PCDHA6: variants seen among roughly 807,000 people sequenced by gnomAD.
PCDHA6 encodes protocadherin alpha-6.
PCDHA6 carries 55 observed loss-of-function variants against 60.3 expected under a neutral mutation model. That is an observed-to-expected ratio of 0.91 (90% CI 0.73 to 1.14). The LOEUF (loss-of-function observed/expected upper bound fraction) is 1.14, where lower values mean the gene tolerates loss of function less well. Ranked by LOEUF, PCDHA6 falls within the 50% of genes most tolerant of loss-of-function variation. The probability of loss-of-function intolerance (pLI) is 0.00; values close to 1 mark genes in which losing one functional copy is unlikely to be tolerated. For synonymous variants in PCDHA6, 652 were observed against 557.9 expected (o/e 1.17, Z -2.38); for missense variants, 1,327 against 1,256.5 (o/e 1.06, Z -0.85).
At chr5:140,855,488 C>T (rs569322371) in intron 1 of PCDHA6, among the ~76,000 whole-genome samples, 1 of 149,546 alleles carries the variant, frequency 6.7e-6, no homozygotes. Flanking sequence ...ACATTAGTGT[C>T]TAAATAAACC....
chr5:140,851,530 A>G (rs2042087003), intron 1 of PCDHA6: 6 of 902,946 alleles, frequency 6.6e-6, no homozygotes, highest in Non-Finnish European at 8.1e-6. Context: ...ATGCCTGACA[A>G]TGTAGATAAT....
intron 3 of PCDHA6, among the ~76,000 whole-genome samples, chr5:140,983,980 G>A (rs1169839423): frequency 6.6e-6 from 1 of 152,286 alleles, no homozygotes; most frequent in African/African-American, 2.4e-5. Flanking sequence ...AAATATACGA[G>A]TTGAAGCAAT....
intron 3 of PCDHA6, among the ~76,000 whole-genome samples, chr5:140,983,123 G>A (rs781811003): frequency 2.0e-5 from 3 of 152,198 alleles, no homozygotes; most frequent in Non-Finnish European, 4.4e-5. Flanking sequence ...ACAACATTCT[G>A]CAGACTGACT....
intron 1 of PCDHA6, chr5:140,967,963 A>C (rs1554230144): frequency 6.2e-7 from 1 of 1,614,210 alleles, no homozygotes; most frequent in South Asian, 1.1e-5. Context: ...CCAACCGGAA[A>C]GTGAGCCTGG....
At chr5:140,949,474 G>T (rs2094384891) in intron 1 of PCDHA6, among the ~76,000 whole-genome samples, 1 of 151,524 alleles carries the variant, frequency 6.6e-6, no homozygotes, top group Admixed American at 6.6e-5. Flanking sequence ...CTGTTATTAG[G>T]CACACACATT....
intron 1 of PCDHA6, chr5:140,835,368 C>A: frequency 1.2e-6 from 2 of 1,613,924 alleles, no homozygotes; most frequent in African/African-American, 1.3e-5. Flanking sequence ...AGGCTTCCCA[C>A]CCCTGGCTGG....
At chr5:140,928,208 A>AT (rs1436614514) in intron 1 of PCDHA6, 2 of 1,614,110 alleles carry the variant, frequency 1.2e-6, no homozygotes, top group Non-Finnish European at 1.7e-6. Flanking sequence ...GCTGATGTGA[A>AT]TGACAATACA....
intron 1 of PCDHA6, chr5:140,862,565 A>G: frequency 2.1e-6 from 1 of 478,016 alleles, no homozygotes; most frequent in Non-Finnish European, 4.3e-6. Context: ...GTGAACCACA[A>G]TGCCCTGGCG....
Position 140,974,189 on chromosome 5 carries a change from G to T in PCDHA6, c.2395-4760G>T, listed in dbSNP as rs146863475. On this transcript the variant is annotated intron_variant, in intron 1 of 3. Transcript: ENST00000529310. ...AGAATTTTAACTTGACAAATGCAAA[G>T]GAATATCCAACATTGCAAAGGTAAA... Among the ~76,000 whole-genome samples the T allele has an allele frequency of 7.6e-3, 1,163 of 152,258 alleles. 4 individuals carry two copies. The highest frequency in any genetic ancestry group is 0.014 in the Middle Eastern group (4 of 294).
rs114742019 is a variant in PCDHA6, at chr5:140,911,730, G to A, written c.2395-67219G>A. Among the ~76,000 whole-genome samples the A allele has an allele frequency of 8.1e-3, 1,236 of 152,190 alleles. 6 individuals carry two copies. The highest frequency in any genetic ancestry group is 0.019 in the African/African-American group (801 of 41,524). ...TTTTGTGTAACTCTGTAAACAGTTC[G>A]TGCCAAGGACTATCAGTGTTCTCCA... is the stretch of plus-strand genomic sequence containing the variant. On this transcript the variant is annotated intron_variant, in intron 1 of 3. Coordinates refer to ENST00000529310, the MANE Select transcript of PCDHA6 (RefSeq NM_018909.4).
intron 1 of PCDHA6, chr5:140,876,720 G>C (rs781797133): frequency 2.5e-6 from 4 of 1,614,264 alleles, no homozygotes; most frequent in Non-Finnish European, 3.4e-6. Flanking sequence ...TGGACCGCGA[G>C]AGCGTGTCGG....
At chr5:140,873,843 T>C (rs2054523917) in intron 1 of PCDHA6, among the ~76,000 whole-genome samples, 1 of 152,144 alleles carries the variant, frequency 6.6e-6, no homozygotes, top group Non-Finnish European at 1.5e-5. Context: ...GTATTTTTAG[T>C]AGAGATGGGT....
chr5:140,888,572 A>G (rs1354616132), intron 1 of PCDHA6, among the ~76,000 whole-genome samples: 1 of 152,196 alleles, frequency 6.6e-6, no homozygotes, highest in Admixed American at 6.5e-5. Context: ...GCTTCATTTT[A>G]AGATTTGTTA....
In PCDHA6 at chr5:140,851,743, G is replaced by A. The variant is rs1045115703; in HGVS notation, c.2394+21258G>A. ...ACTTCGAGTTCTTTTGAAATTCAGA[G>A]TCTGTAACTTAAAACATTACCCTTA... On this transcript the variant is annotated intron_variant, in intron 1 of 3. Transcript: ENST00000529310. 3 of 972,104 alleles carry A rather than the reference G, an allele frequency of 3.1e-6. 1 individual carries two copies. The highest frequency in any genetic ancestry group is 3.7e-6 in the Non-Finnish European group (3 of 804,720). 60.2% of individuals were successfully genotyped at this position (972,104 alleles called of 1,614,324 possible).
intron 1 of PCDHA6, chr5:140,870,409 G>A (rs2051982376): frequency 1.9e-6 from 3 of 1,614,226 alleles, no homozygotes; most frequent in African/African-American, 1.3e-5. Context: ...TTCTCTGTGG[G>A]CCACGGCCAG....
intron 3 of PCDHA6, among the ~76,000 whole-genome samples, chr5:140,994,758 G>A (rs150618369): frequency 1.3e-5 from 2 of 152,248 alleles, no homozygotes; most frequent in East Asian, 3.9e-4. Flanking sequence ...GATGTGGAGA[G>A]GAAGAGAATT....
intron 1 of PCDHA6, among the ~76,000 whole-genome samples, chr5:140,925,526 C>T (rs2153578026): frequency 6.6e-6 from 1 of 152,028 alleles, no homozygotes; most frequent in Non-Finnish European, 1.5e-5. Flanking sequence ...AAATTAAAAG[C>T]GAGGAGAAAT....
rs543675270 is a variant in PCDHA6 at position 140,877,484 on chromosome 5, A to G, written c.2394+46999A>G. 2.3e-5 allele frequency: 37 copies of G among 1,613,814 alleles called. No individual in the cohort carries two copies. The highest frequency in any genetic ancestry group is 3.1e-5 in the Non-Finnish European group (36 of 1,179,856). On this transcript the variant is annotated intron_variant, in intron 1 of 3. Transcript: ENST00000529310. ...GCCACGGTGCTGGTGTCGCTGGTGG[A>G]GAACGGCCAGGCCCCAAAGACGTCG...
intron 1 of PCDHA6, chr5:140,877,734 G>A (rs2057311538): frequency 1.9e-6 from 3 of 1,614,070 alleles, no homozygotes; most frequent in African/African-American, 2.7e-5. Flanking sequence ...CGCAGCAGAG[G>A]AGGCAGAGGG....
Sources: gnomAD v4.1 joint callset for allele counts (sites outside exome capture counted in the v4.1 genomes callset) on GRCh38, gnomAD v4.1.1 for gene constraint, MANE v1.5 for transcripts, NCBI Gene and HGNC (gene_info 2026-07-23, HGNC 2026-07-21) for gene names.